The following FAM169A variants were observed in gnomAD, a reference collection of about 807,000 sequenced individuals.
FAM169A encodes family with sequence similarity 169 member A, also known as soluble lamin-associated protein of 75 kDa.
FAM169A carries 24 observed loss-of-function variants against 75.7 expected under a neutral mutation model. The observed-to-expected ratio is 0.32, with a 90% CI of 0.23 to 0.45. The LOEUF is 0.45. FAM169A is among the 20% of genes least tolerant of loss of function. The pLI, the probability that FAM169A is intolerant of heterozygous loss-of-function variation, is 1.00. For synonymous variants in FAM169A, 271 were observed against 271.0 expected (o/e 1.00, Z 0.00); for missense variants, 673 against 784.0 (o/e 0.86, Z 1.69).
intron 5 of FAM169A, among the ~76,000 whole-genome samples, chr5:74,830,763 T>C (rs566157043): frequency 1.3e-5 from 2 of 152,268 alleles, no homozygotes; most frequent in East Asian, 3.9e-4. Flanking sequence ...GAAACTATAA[T>C]GTCTGAAAAT....
chr5:74,802,601 T>C (rs1746646597), intron 8 of FAM169A, among the ~76,000 whole-genome samples: 1 of 152,164 alleles, frequency 6.6e-6, no homozygotes, highest in Admixed American at 6.6e-5. Context: ...TTACTTGCTA[T>C]AATAAAGCAA....
In FAM169A at chr5:74,782,935, T is replaced by C. The variant is rs1745485023; in HGVS notation, c.1460A>G (p.Asp487Gly). ...SSKPPEVDAP[D>G]KTPRIPDSEM... ...AATAGCTCATTGCCCCCTTACCTTA[T>C]CTGGTGCATCTACCTCAGGGGGTTT... The change falls in exon 12 of 13, where the codon GAT (aspartate) becomes GGT (glycine). Residue 487 changes from aspartate to glycine, a missense_variant. Around this residue, in one of 3 missense-constraint regions of FAM169A, gnomAD observed 510 missense variants for 550.9 expected, o/e 0.93. Coordinates refer to ENST00000687041, the MANE Select transcript of FAM169A (RefSeq NM_001376049.1). 3 of 1,609,708 alleles carry C rather than the reference T, an allele frequency of 1.9e-6. No individual in the cohort carries two copies. Among genetic ancestry groups the C allele is most frequent in the African/African-American group, 1.3e-5 (1 of 74,802 alleles).
chr5:74,845,521 A>T (rs1749109106), intron 1 of FAM169A, among the ~76,000 whole-genome samples: 1 of 152,216 alleles, frequency 6.6e-6, no homozygotes, highest in South Asian at 2.1e-4. Flanking sequence ...CTGTCTCAAA[A>T]AATACAAATA....
chr5:74,861,963 C>T (rs1482691626), intron 1 of FAM169A, among the ~76,000 whole-genome samples: 1 of 152,194 alleles, frequency 6.6e-6, no homozygotes, highest in Non-Finnish European at 1.5e-5. Context: ...ATTTATACAA[C>T]CATGGCAACA....
rs745777551 is a variant in FAM169A, at chr5:74,781,902, A to G, written c.1571T>C (p.Leu524Pro). The G allele has an allele frequency of 6.2e-6, 10 of 1,614,092 alleles. No homozygotes were observed. In the South Asian group the frequency reaches 7.7e-5, roughly 12 times the overall value. ...LSLLPRKKAH[L>P]GSSDNVATMS... is the part of the protein sequence containing the mutation. Reference sequence around the variant, plus strand: ...AGTAGCAACATTGTCTGAACTCCCAAGATGTGCTTTCTTTCTTGGAAGTAG... The same window carrying G: ...AGTAGCAACATTGTCTGAACTCCCAGGATGTGCTTTCTTTCTTGGAAGTAG... The change falls in exon 13 of 13, where the codon CTT (leucine) becomes CCT (proline). Residue 524 changes from leucine (L) to proline (P), a missense_variant. Leu to Pro is a moderately conservative substitution (Grantham distance 98). Transcript: ENST00000687041.
chr5:74,835,631 T>C (rs1748536667), intron 4 of FAM169A, among the ~76,000 whole-genome samples: 1 of 146,622 alleles, frequency 6.8e-6, no homozygotes, highest in South Asian at 2.1e-4. Flanking sequence ...AAAAAATCTG[T>C]ACATAAGCCT....
chr5:74,814,112 T>G (rs998605816), intron 5 of FAM169A, 93 bp from the exon 6 acceptor site: 8 of 986,318 alleles, frequency 8.1e-6, no homozygotes, highest in African/African-American at 1.7e-5. Flanking sequence ...CTAAAAAAAG[T>G]TTTCTTCTAT....
intron 5 of FAM169A, among the ~76,000 whole-genome samples, chr5:74,825,719 T>G (rs1012237619): frequency 2.0e-5 from 3 of 152,180 alleles, no homozygotes; most frequent in Admixed American, 2.0e-4. Flanking sequence ...CCTTGGTATC[T>G]TAAAGGCATT....
chr5:74,799,056 C>G, intron 10 of FAM169A: 1 of 1,023,770 alleles, frequency 9.8e-7, no homozygotes, highest in South Asian at 1.3e-5. Context: ...GGGATCGTAC[C>G]CAGATTGCCC....
intron 11 of FAM169A, among the ~76,000 whole-genome samples, chr5:74,787,045 A>G (rs1482573177): frequency 6.6e-6 from 1 of 152,192 alleles, no homozygotes; most frequent in Non-Finnish European, 1.5e-5. Flanking sequence ...TAACTGGACT[A>G]AAGTCCCGGT....
Position 74,813,975 on chromosome 5 carries a change from C to G in FAM169A, c.535G>C (p.Val179Leu). The G allele has an allele frequency of 6.2e-7, 1 of 1,600,554 alleles. No homozygotes were observed. The highest frequency in any genetic ancestry group is 1.1e-5 in the South Asian group (1 of 87,798). ...SFLTQSYQLP[V>L]LDTMFLRKKY... Reference sequence around the variant, plus strand: ...TTTCTTAGAAACATTGTATCAAGAACTGGCAATTGGTAACTTTGGGTAAGA... The same window carrying G: ...TTTCTTAGAAACATTGTATCAAGAAGTGGCAATTGGTAACTTTGGGTAAGA... The change falls in exon 6 of 13, where the codon GTT becomes CTT. Residue 179 changes from valine (V) to leucine (L), a missense_variant. Val to Leu is a conservative substitution (Grantham distance 32, BLOSUM62 1). Coordinates refer to ENST00000687041, the MANE Select transcript of FAM169A (RefSeq NM_001376049.1).
chr5:74,849,317 T>C (rs995608444), intron 1 of FAM169A, among the ~76,000 whole-genome samples: 4 of 152,172 alleles, frequency 2.6e-5, no homozygotes, highest in African/African-American at 9.7e-5. Context: ...TGTGATTTTT[T>C]CCCTATTTAT....
intron 1 of FAM169A, 82 bp downstream of exon 1, chr5:74,866,082 TG>T: frequency 1.4e-6 from 1 of 704,302 alleles, no homozygotes. Flanking sequence ...TCCGCGGGTC[TG>T]GTGCTGGCGG....
chr5:74,851,936 T>G (rs1749465122), intron 1 of FAM169A, among the ~76,000 whole-genome samples: 1 of 152,192 alleles, frequency 6.6e-6, no homozygotes, highest in African/African-American at 2.4e-5. Flanking sequence ...AACCAATTTT[T>G]AAAAACACGA....
intron 11 of FAM169A, among the ~76,000 whole-genome samples, chr5:74,787,425 G>T (rs1745750295): frequency 6.6e-6 from 1 of 152,238 alleles, no homozygotes; most frequent in South Asian, 2.1e-4. Flanking sequence ...GAGAGATTGG[G>T]ATGGTGGAGT....
Position 74,782,969 on chromosome 5 carries a change from C to T in FAM169A, c.1426G>A (p.Glu476Lys), listed in dbSNP as rs1273436015. ...DSTNLVPLVV[E>K]SSKPPEVDAP... ...TCTACCTCAGGGGGTTTTGAAGATT[C>T]TACCACCAGTGGAACAAGATTTGTA... The change falls in exon 12 of 13, where the codon GAA (glutamate) becomes AAA (lysine). Residue 476 changes from glutamate (E) to lysine (K), a missense_variant. Physicochemically the swap from Glu to Lys is moderately conservative, Grantham distance 56 (BLOSUM62 1). Around this residue, in one of 3 missense-constraint regions of FAM169A, gnomAD observed 510 missense variants for 550.9 expected, o/e 0.93. Coordinates refer to ENST00000687041, the MANE Select transcript of FAM169A (RefSeq NM_001376049.1). 8.1e-6 allele frequency: 13 copies of T among 1,613,868 alleles called. No homozygotes were observed. Among genetic ancestry groups the T allele is most frequent in the Non-Finnish European group, 1.1e-5 (13 of 1,179,824 alleles).
At position 74,779,904 on chromosome 5, in the gene FAM169A, C is replaced by T. The variant is rs1745326193; in HGVS notation, c.*1556G>A. ...ACTTTCAACATCAGTCCTTAGCTAC[C>T]TCAAATAATGACACAAAGTCTTAGT... is the stretch of plus-strand genomic sequence containing the variant. On this transcript the variant is annotated 3_prime_UTR_variant, in exon 13 of 13. Transcript: ENST00000687041. 1 of 152,152 alleles carries T rather than the reference C, an allele frequency of 6.6e-6. No homozygotes were observed. The highest frequency in any genetic ancestry group is 6.5e-5 in the Admixed American group (1 of 15,268). The allele number at this position is 152,152 out of a possible 1,614,324, so 9.4% of individuals were successfully genotyped here.
At chr5:74,798,277 C>T (rs183623519) in intron 10 of FAM169A, among the ~76,000 whole-genome samples, 10 of 152,238 alleles carry the variant, frequency 6.6e-5, no homozygotes, top group African/African-American at 1.7e-4. Context: ...TTTTGTTCTT[C>T]GTATGTTTCA....
At chr5:74,848,477 A>G (rs1293412331) in intron 1 of FAM169A, among the ~76,000 whole-genome samples, 1 of 152,320 alleles carries the variant, frequency 6.6e-6, no homozygotes, top group South Asian at 2.1e-4. Context: ...TCATGGTTAC[A>G]TAACATTTTC....
Sources: allele counts gnomAD v4.1 joint callset (sites outside exome capture counted in the v4.1 genomes callset), GRCh38; gene constraint gnomAD v4.1.1; regional missense constraint gnomAD v4.1.1; transcripts MANE v1.5; gene names NCBI Gene and HGNC (gene_info 2026-07-23, HGNC 2026-07-21).